The following FLT1 variants were observed in gnomAD, a reference collection of about 807,000 sequenced individuals.
FLT1 encodes vascular endothelial growth factor receptor 1.
FLT1 carries 49 observed loss-of-function variants against 156.3 expected under a neutral mutation model. The ratio of observed to expected loss-of-function variants is 0.31; its 90% CI spans 0.25 to 0.40. FLT1 has a LOEUF of 0.40. FLT1 is among the 10% of genes least tolerant of loss of function. The pLI is 1.00. For missense variants in FLT1, 1,322 were observed against 1,637.2 expected (o/e 0.81, Z 3.32); for synonymous variants, 594 against 583.8 (o/e 1.02, Z -0.25).
At chr13:28,444,858 C>T (rs368630894) in intron 3 of FLT1, among the ~76,000 whole-genome samples, 3 of 145,116 alleles carry the variant, frequency 2.1e-5, no homozygotes, top group Non-Finnish European at 4.5e-5. Context: ...TTAAAATTTA[C>T]GGGATGAAGC....
At position 28,301,326 on chromosome 13, in the gene FLT1, T is replaced by C. The variant is rs1318845622; in HGVS notation, c.*1841A>G. 2.6e-5 allele frequency: 6 copies of C among 233,096 alleles called. No homozygotes were observed. In the East Asian group the frequency reaches 3.6e-4, roughly 14 times the overall value. 14.4% of individuals were successfully genotyped at this position (233,096 alleles called of 1,614,324 possible). On this transcript the variant is annotated 3_prime_UTR_variant, in exon 30 of 30. Coordinates refer to ENST00000282397, the MANE Select transcript of FLT1 (RefSeq NM_002019.4). ...AAAGATTTGTCCTCTCTTCTGGCTC[T>C]AGCCTGCTTTTGTTTGGATTTAGAT...
chr13:28,420,103 G>A (rs1011514160), intron 10 of FLT1, among the ~76,000 whole-genome samples: 2 of 152,222 alleles, frequency 1.3e-5, no homozygotes, highest in Non-Finnish European at 2.9e-5. Flanking sequence ...AAGAACTCAT[G>A]CTCTGTTCTC....
chr13:28,468,416 G>A (rs1879968266), intron 1 of FLT1, among the ~76,000 whole-genome samples: 1 of 152,154 alleles, frequency 6.6e-6, no homozygotes, highest in Admixed American at 6.5e-5. Flanking sequence ...GTGACTAGCT[G>A]TATCACCCTA....
intron 11 of FLT1, among the ~76,000 whole-genome samples, chr13:28,403,612 A>G (rs1400079086): frequency 1.3e-5 from 2 of 152,264 alleles, no homozygotes; most frequent in African/African-American, 4.8e-5. Flanking sequence ...GGCAGTTAAC[A>G]GTACATCCTC....
intron 7 of FLT1, 85 bp from the exon 8 acceptor site, chr13:28,430,252 T>C (rs1877604098): frequency 1.1e-6 from 1 of 896,002 alleles, no homozygotes; most frequent in Non-Finnish European, 1.9e-6. Context: ...GAGGGTGTAA[T>C]CAATGAGTAA....
intron 18 of FLT1, among the ~76,000 whole-genome samples, chr13:28,332,189 C>G (rs1194162740): frequency 6.6e-6 from 1 of 152,150 alleles, no homozygotes; most frequent in Non-Finnish European, 1.5e-5. Context: ...GATCATGCTA[C>G]TGCACTCCAG....
chr13:28,349,100 C>T (rs564786267), intron 15 of FLT1, among the ~76,000 whole-genome samples: 10 of 152,258 alleles, frequency 6.6e-5, no homozygotes, highest in African/African-American at 2.4e-4. Flanking sequence ...GTTATAAGTT[C>T]TGAGTGAAGC....
At position 28,339,158 on chromosome 13, in the gene FLT1, A is replaced by T. The variant is rs1364765343; in HGVS notation, c.2488+10T>A. 1 of 1,613,656 alleles carries T rather than the reference A, an allele frequency of 6.2e-7. No homozygotes were observed. ...TATAGGTTTATGAATCTGTTGAACA[A>T]ATATCTTACCCAGTTTAAGTCTCTC... is the stretch of plus-strand genomic sequence containing the variant. On this transcript the variant is annotated intron_variant, in intron 17 of 29. Coordinates refer to ENST00000282397, the MANE Select transcript of FLT1 (RefSeq NM_002019.4).
chr13:28,319,302 C>CT, intron 24 of FLT1, 121 bp downstream of exon 24: 1 of 714,488 alleles, frequency 1.4e-6, no homozygotes, highest in South Asian at 1.5e-5. Flanking sequence ...GCCCATTACA[C>CT]TTTAAGAGTT....
intron 14 of FLT1, chr13:28,368,703 CTTTTTT>C: frequency 3.9e-5 from 22 of 565,678 alleles, no homozygotes; most frequent in Non-Finnish European, 4.7e-5. Context: ...AGATTGGCAG[CTTTTTT>C]TTTTTTTTTT....
At chr13:28,383,135 T>C (rs541253627) in intron 14 of FLT1, among the ~76,000 whole-genome samples, 1 of 152,250 alleles carries the variant, frequency 6.6e-6, no homozygotes, top group Admixed American at 6.5e-5. Flanking sequence ...AAGCAGGCAA[T>C]AGACAGTGTT....
At chr13:28,480,799 C>T (rs1287359560) in intron 1 of FLT1, among the ~76,000 whole-genome samples, 1 of 152,264 alleles carries the variant, frequency 6.6e-6, no homozygotes, top group Non-Finnish European at 1.5e-5. Context: ...CCTGACTTCA[C>T]CTGCCACTAG....
At chr13:28,340,286 T>C (rs572709598) in intron 16 of FLT1, among the ~76,000 whole-genome samples, 8 of 152,238 alleles carry the variant, frequency 5.3e-5, no homozygotes, top group South Asian at 4.2e-4. Context: ...ACAAGCCACA[T>C]TCTGACTTCA....
Position 28,320,545 on chromosome 13 carries a change from T to A in FLT1, c.3174+918A>T, listed in dbSNP as rs796949153. Among the ~76,000 whole-genome samples, 667 of 148,628 alleles carry A rather than the reference T, an allele frequency of 4.5e-3. 7 individuals carry two copies. Among genetic ancestry groups the A allele is most frequent in the South Asian group, 0.029 (137 of 4,740 alleles). ...AAAACATGATGAGATTTGTTTGCAT[T>A]TTTTTTTTTTTTTAGCTCATCAGCT... On this transcript the variant is annotated intron_variant, in intron 23 of 29. Coordinates refer to ENST00000282397, the MANE Select transcript of FLT1 (RefSeq NM_002019.4).
At chr13:28,372,566 G>GTATATATGTATATA (rs1873655900) in intron 14 of FLT1, among the ~76,000 whole-genome samples, 1 of 91,478 alleles carries the variant, frequency 1.1e-5, no homozygotes, top group East Asian at 4.6e-4. Context: ...TAAATAAAAT[G>GTATATATGTATATA]TATATATATA....
In FLT1 at chr13:28,300,760, C is replaced by G. The variant is rs1870482670; in HGVS notation, c.*2407G>C. 2 of 233,072 alleles carry G rather than the reference C, an allele frequency of 8.6e-6. No individual in the cohort carries two copies. The highest frequency in any genetic ancestry group is 1.8e-4 in the South Asian group (1 of 5,510). The allele number at this position is 233,072 out of a possible 1,614,324, so 14.4% of individuals were successfully genotyped here. A position where few individuals can be genotyped will look rare whatever the true frequency, so the allele number is the denominator to read the frequency against. The stretch of plus-strand genomic sequence containing the variant: ...TCAGCCCCATTCCACCCAGACTGTT[C>G]CACGTACATTATCTCAGAAACTCTG... On this transcript the variant is annotated 3_prime_UTR_variant, in exon 30 of 30. Transcript: ENST00000282397.
Position 28,339,212 on chromosome 13 carries a change from T to G in FLT1, c.2444A>C (p.Tyr815Ser), listed in dbSNP as rs565012505. The G allele has an allele frequency of 6.2e-7, 1 of 1,614,188 alleles. No homozygotes were observed. The highest frequency in any genetic ancestry group is 2.2e-5 in the East Asian group (1 of 44,892). ...PLDEQCERLP[Y>S]DASKWEFARE... Reference sequence around the variant, plus strand: ...GGCAAACTCCCACTTGCTGGCATCATAAGGGAGCCGCTCACACTGCTCATC... The same window carrying G: ...GGCAAACTCCCACTTGCTGGCATCAGAAGGGAGCCGCTCACACTGCTCATC... Residue 815 changes from tyrosine (Y) to serine (S), a missense_variant, in exon 17 of 30, where the codon TAT (tyrosine) becomes TCT (serine). Around this residue, in one of 3 missense-constraint regions of FLT1, gnomAD observed 991 missense variants for 1,254.8 expected, o/e 0.79. Coordinates refer to ENST00000282397, the MANE Select transcript of FLT1 (RefSeq NM_002019.4).
chr13:28,368,295 G>A (rs1161382430), intron 14 of FLT1: 5 of 469,804 alleles, frequency 1.1e-5, no homozygotes, highest in Non-Finnish European at 1.8e-5. Flanking sequence ...TGGCATTACA[G>A]GCATGAGCCA....
At chr13:28,492,379 T>G (rs2137677931) in intron 1 of FLT1, among the ~76,000 whole-genome samples, 1 of 152,330 alleles carries the variant, frequency 6.6e-6, no homozygotes, top group Non-Finnish European at 1.5e-5. Context: ...GACTCAGAGC[T>G]GGAGAAAGAG....
Sources: allele counts gnomAD v4.1 joint callset (sites outside exome capture counted in the v4.1 genomes callset), GRCh38; gene constraint gnomAD v4.1.1; regional missense constraint gnomAD v4.1.1; transcripts MANE v1.5; gene names NCBI Gene and HGNC (gene_info 2026-07-23, HGNC 2026-07-21).